The following ATXN7 variants were observed in gnomAD, a reference collection of about 807,000 sequenced individuals.
The protein encoded by ATXN7 is ataxin-7.
ATXN7 carries 12 observed loss-of-function variants against 70.5 expected under a neutral mutation model. That is an observed-to-expected ratio of 0.17 (90% CI 0.11 to 0.28). The LOEUF (loss-of-function observed/expected upper bound fraction) is 0.28, where lower values mean the gene tolerates loss of function less well. ATXN7 is among the 10% of genes least tolerant of loss of function. ATXN7 has a pLI of 1.00. For synonymous variants in ATXN7, 498 were observed against 448.7 expected, an observed-to-expected ratio of 1.11 and a Z score of -1.39; for missense variants, 1,256 against 1,131.7, an observed-to-expected ratio of 1.11 and a Z score of -1.58.
In ATXN7 at chr3:63,996,049, G is replaced by A. The variant is rs946134582; in HGVS notation, c.2227G>A (p.Gly743Arg). 1 of 1,614,074 alleles carries A rather than the reference G, an allele frequency of 6.2e-7. No homozygotes were observed. The highest frequency in any genetic ancestry group is 8.5e-7 in the Non-Finnish European group (1 of 1,180,020). The change falls in exon 12 of 13, where the codon GGG becomes AGG. Residue 743 changes from glycine (G) to arginine (R), a missense_variant. Coordinates refer to ENST00000674280, the MANE Select transcript of ATXN7 (RefSeq NM_001377405.1). ...SFRKNCVAHSGPPYPSTVTSS... is the reference protein window; with the variant it reads ...SFRKNCVAHSRPPYPSTVTSS... ...TAGGAAAAACTGTGTGGCTCACTCT[G>A]GGCCTCCCTACCCCTCAACGGTAAC... is the stretch of plus-strand genomic sequence containing the variant.
intron 2 of ATXN7, chr3:63,901,824 A>G (rs1703652381): frequency 6.6e-6 from 1 of 152,230 alleles, no homozygotes; most frequent in Non-Finnish European, 1.5e-5. Flanking sequence ...AAAAAGAAGG[A>G]AGTATTGATA....
chr3:63,995,973 TTCCTCCTCCTCTTCC>T lies in ATXN7; in HGVS notation c.2166_2180del (p.Ser724_Ser728del), dbSNP rs754388483. ...ACAGTTCCCCACTGTTGGTTCACTC[TTCCTCCTCCTCTTCC>T]TCCTCCTCCTCTTCTTCTCATTCCA... On this transcript the variant is annotated inframe_deletion, in exon 12 of 13. Transcript: ENST00000674280. 9.9e-6 allele frequency: 16 copies of T among 1,613,678 alleles called. No individual in the cohort carries two copies. Among genetic ancestry groups the T allele is most frequent in the Admixed American group, 3.3e-5 (2 of 59,996 alleles).
At chr3:63,935,114 T>TAATG (rs533473958) in intron 4 of ATXN7, among the ~76,000 whole-genome samples, 2,647 of 152,152 alleles carry the variant, frequency 0.017, 30 homozygotes, top group South Asian at 0.043. Flanking sequence ...TTAGTAAAGG[T>TAATG]AATGAATGAA....
chr3:63,941,154 A>G (rs929904754), intron 4 of ATXN7, among the ~76,000 whole-genome samples: 3 of 152,202 alleles, frequency 2.0e-5, no homozygotes, highest in Non-Finnish European at 2.9e-5. Context: ...AGGGGTCACT[A>G]TTGATAATAT....
At position 63,988,269 on chromosome 3, in the gene ATXN7, G is replaced by A. The variant is rs763204193; in HGVS notation, c.1306G>A (p.Glu436Lys). 8.7e-6 allele frequency: 14 copies of A among 1,613,832 alleles called. No individual in the cohort carries two copies. The highest frequency in any genetic ancestry group is 1.6e-4 in the Middle Eastern group (1 of 6,084). Residue 436 changes from glutamate to lysine, a missense_variant, in exon 9 of 13, where the codon GAA (glutamate) becomes AAA (lysine). Transcript: ENST00000674280. ...AAACCCTCACGGAGTGATTCCTTCCGAATCAAAGCCTTTTGTAGCTAGTAA... is the reference window on the plus strand; with the variant it reads ...AAACCCTCACGGAGTGATTCCTTCCAAATCAAAGCCTTTTGTAGCTAGTAA... ...HQNPHGVIPS[E>K]SKPFVASKPK...
rs142653955 is a variant in ATXN7, at chr3:63,992,220, C to T, written c.1682+1361C>T. On this transcript the variant is annotated intron_variant, in intron 11 of 12. Coordinates refer to ENST00000674280, the MANE Select transcript of ATXN7 (RefSeq NM_001377405.1). ...AAAGAACCATCTCCATGATCATTAG[C>T]AGGACTTACATCCGTTTCCTTAGAA... Among the ~76,000 whole-genome samples the T allele has an allele frequency of 3.0e-3, 460 of 152,332 alleles. 3 individuals are homozygous for T. Among genetic ancestry groups the T allele is most frequent in the African/African-American group, 0.011 (441 of 41,576 alleles).
intron 4 of ATXN7, among the ~76,000 whole-genome samples, chr3:63,941,692 T>C (rs2107364261): frequency 6.6e-6 from 1 of 152,264 alleles, no homozygotes; most frequent in South Asian, 2.1e-4. Context: ...CCTCATACAT[T>C]TAGTAGCTTG....
At chr3:63,903,370 G>C (rs1186229030) in intron 2 of ATXN7, among the ~76,000 whole-genome samples, 3 of 120,430 alleles carry the variant, frequency 2.5e-5, no homozygotes, top group African/African-American at 9.5e-5. Context: ...CTGGGCAACA[G>C]AGCAAGACTC....
At chr3:63,949,149 T>TCA (rs1346070956) in intron 4 of ATXN7, among the ~76,000 whole-genome samples, 11 of 152,126 alleles carry the variant, frequency 7.2e-5, no homozygotes, top group African/African-American at 2.7e-4. Context: ...ATACTGTCTC[T>TCA]CACACACACA....
At chr3:63,968,928 T>C (rs1458185930) in intron 5 of ATXN7, among the ~76,000 whole-genome samples, 11 of 152,228 alleles carry the variant, frequency 7.2e-5, no homozygotes, top group African/African-American at 2.7e-4. Flanking sequence ...GGACTTTAAA[T>C]ATGAAAAGAT....
chr3:63,909,775 AAG>A (rs1295061040), intron 2 of ATXN7, among the ~76,000 whole-genome samples: 1 of 152,144 alleles, frequency 6.6e-6, no homozygotes, highest in African/African-American at 2.4e-5. Context: ...GCTGCAGCAA[AAG>A]AGAACTGGTT....
At chr3:63,946,967 C>T (rs1301188303) in intron 4 of ATXN7, among the ~76,000 whole-genome samples, 1 of 152,106 alleles carries the variant, frequency 6.6e-6, no homozygotes, top group Non-Finnish European at 1.5e-5. Context: ...TGACCTTGGG[C>T]ACTGGCAGTG....
intron 1 of ATXN7, among the ~76,000 whole-genome samples, chr3:63,866,029 T>G (rs1259919844): frequency 6.6e-6 from 1 of 151,938 alleles, no homozygotes; most frequent in Non-Finnish European, 1.5e-5. Context: ...ATCTGTAATA[T>G]TTTCATGGGA....
chr3:63,912,816 C>A lies in ATXN7; in HGVS notation c.218C>A (p.Ala73Asp), dbSNP rs1270466522. The change falls in exon 3 of 13, where the codon GCC (alanine) becomes GAC (aspartate). Residue 73 changes from alanine to aspartate, a missense_variant. By Grantham distance (126) the Ala-to-Asp change is moderately radical. Transcript: ENST00000674280. ...GGPGAASTSA[A>D]AMATVGERRP... is the part of the protein sequence containing the mutation. ...CCCGGCGCCGCCTCCACCTCGGCCG[C>A]CGCAATGGCGACGGTCGGGGAGCGC... 6.3e-7 allele frequency: 1 copy of A among 1,575,124 alleles called. No individual in the cohort carries two copies. Among genetic ancestry groups the A allele is most frequent in the Non-Finnish European group, 8.6e-7 (1 of 1,163,362 alleles).
At chr3:63,877,186 A>G (rs1296892693) in intron 1 of ATXN7, among the ~76,000 whole-genome samples, 1 of 152,234 alleles carries the variant, frequency 6.6e-6, no homozygotes, top group Non-Finnish European at 1.5e-5. Flanking sequence ...GTCTTAAGGA[A>G]AAACTGAAAT....
intron 1 of ATXN7, among the ~76,000 whole-genome samples, chr3:63,869,433 T>G (rs1041579153): frequency 5.9e-5 from 9 of 152,252 alleles, no homozygotes; most frequent in African/African-American, 1.7e-4. Context: ...CTTTTCTTTT[T>G]GTTTTTTTTT....
rs1438968123 is a variant in ATXN7 at position 63,910,069 on chromosome 3, A to AT, written c.-11-2517dup. Reference sequence around the variant, plus strand: ...TTCATTTTAAGCCCGCTTGTGTTTTATTAAACCAATCAAAAACTTTGAAGA... The same window carrying AT: ...TTCATTTTAAGCCCGCTTGTGTTTTATTTAAACCAATCAAAAACTTTGAAGA... On this transcript the variant is annotated intron_variant, in intron 2 of 12. Transcript: ENST00000674280. Among the ~76,000 whole-genome samples, 3 of 152,322 alleles carry AT rather than the reference A, an allele frequency of 2.0e-5. No individual in the cohort carries two copies. In the East Asian group the frequency reaches 5.8e-4, roughly 29 times the overall value.
chr3:63,873,584 C>T (rs1702658981), intron 1 of ATXN7, among the ~76,000 whole-genome samples: 1 of 152,218 alleles, frequency 6.6e-6, no homozygotes, highest in Non-Finnish European at 1.5e-5. Flanking sequence ...CAGATATTTA[C>T]TATCTGAACA....
intron 5 of ATXN7, among the ~76,000 whole-genome samples, chr3:63,959,475 A>G (rs1397383766): frequency 1.3e-5 from 2 of 152,196 alleles, no homozygotes; most frequent in African/African-American, 4.8e-5. Context: ...TCTTGTCATT[A>G]AGTAACCATT....
Sources: gnomAD v4.1 joint callset for allele counts (sites outside exome capture counted in the v4.1 genomes callset) on GRCh38, gnomAD v4.1.1 for gene constraint, MANE v1.5 for transcripts, NCBI Gene and HGNC (gene_info 2026-07-23, HGNC 2026-07-21) for gene names.